PPP1R3A: variants seen among roughly 807,000 people sequenced by gnomAD.
PPP1R3A encodes the protein RG1.
PPP1R3A carries 29 observed loss-of-function variants against 41.7 expected under a neutral mutation model. The observed-to-expected ratio is 0.70, with a 90% confidence interval of 0.52 to 0.95. The LOEUF (loss-of-function observed/expected upper bound fraction) is 0.95, where lower values mean the gene tolerates loss of function less well. Among genes scored for constraint, PPP1R3A ranks in the 40% least tolerant of loss-of-function variants. PPP1R3A has a pLI of 0.00. For missense variants in PPP1R3A, 1,352 were observed against 1,292.4 expected (o/e 1.05, Z -0.71); for synonymous variants, 485 against 453.4 (o/e 1.07, Z -0.89).
chr7:113,896,101 A>T (rs1484850660), intron 1 of PPP1R3A, among the ~76,000 whole-genome samples: 1 of 54,088 alleles, frequency 1.8e-5, no homozygotes, highest in African/African-American at 6.6e-5. Context: ...TGTGTCAGAG[A>T]CTAGTTGGGG....
In PPP1R3A at chr7:113,877,615, C is replaced by T; in HGVS notation, c.*108G>A. The T allele has an allele frequency of 9.1e-6, 12 of 1,320,506 alleles. No homozygotes were observed. Among genetic ancestry groups the T allele is most frequent in the Non-Finnish European group, 1.2e-5 (12 of 971,548 alleles). 81.8% of individuals were successfully genotyped at this position (1,320,506 alleles called of 1,614,324 possible). ...TCGCGTCCCTTTTTAAATGATCCTTCAAGAGAAAAACTGCACTGGATCTTT... is the reference window on the plus strand; with the variant it reads ...TCGCGTCCCTTTTTAAATGATCCTTTAAGAGAAAAACTGCACTGGATCTTT... On this transcript the variant is annotated 3_prime_UTR_variant, in exon 4 of 4. Coordinates refer to ENST00000284601, the MANE Select transcript of PPP1R3A (RefSeq NM_002711.4).
At position 113,918,487 on chromosome 7, in the gene PPP1R3A, A is replaced by G; in HGVS notation, c.510T>C (p.Tyr170=). Residue 170 remains tyrosine, a synonymous_variant, in exon 1 of 4, where the codon TAT becomes TAC. Coordinates refer to ENST00000284601, the MANE Select transcript of PPP1R3A (RefSeq NM_002711.4). ...TAGGAACATATTCTGCTAAAATGTC[A>G]TAATGTGTCTGCCAGTCATCTAAAG... ...RMSLDDWQTH[Y]DILAEYVPNS... 5.6e-6 allele frequency: 9 copies of G among 1,613,274 alleles called. No individual in the cohort carries two copies. Among genetic ancestry groups the G allele is most frequent in the Non-Finnish European group, 6.8e-6 (8 of 1,179,684 alleles).
Position 113,879,053 on chromosome 7 carries a change from G to A in PPP1R3A, c.2039C>T (p.Thr680Ile), listed in dbSNP as rs562570112. Reference protein sequence around the residue: ...TNITEHIKGQTDCEDVWGKRD... With the variant: ...TNITEHIKGQIDCEDVWGKRD... Reference sequence around the variant, plus strand: ...TTTTCCCCACACGTCTTCACAATCTGTTTGTCCTTTGATATGCTCTGTTAT... The same window carrying A: ...TTTTCCCCACACGTCTTCACAATCTATTTGTCCTTTGATATGCTCTGTTAT... The change falls in exon 4 of 4, where the codon ACA becomes ATA. Residue 680 changes from threonine (T) to isoleucine (I), a missense_variant. Physicochemically the swap from Thr to Ile is moderately conservative, Grantham distance 89. Transcript: ENST00000284601. 23 of 1,613,390 alleles carry A rather than the reference G, an allele frequency of 1.4e-5. No homozygotes were observed. In the South Asian group the frequency reaches 2.4e-4, roughly 17 times the overall value.
At position 113,918,867 on chromosome 7, in the gene PPP1R3A, G is replaced by A. The variant is rs753345410; in HGVS notation, c.130C>T (p.Arg44Ter). ...ATGTCTTCAGAAGAATCAGAACCTC[G>A]TCTACTTGGTTGAGGGGAGAAACCA... Reference protein sequence around the residue: ...QPGFSPQPSRRGSDSSEDIYL... With the variant: ...QPGFSPQPSR The change falls in exon 1 of 4, where the codon CGA (arginine) becomes TGA (stop). Residue 44 changes from arginine (R) to a stop codon, truncating the protein, a stop_gained. Transcript: ENST00000284601. LOFTEE classifies it high-confidence loss of function. The A allele has an allele frequency of 6.8e-6, 11 of 1,613,700 alleles. No homozygotes were observed. The highest frequency in any genetic ancestry group is 3.3e-5 in the Admixed American group (2 of 59,974).
chr7:113,906,404 T>C (rs1365383500), intron 1 of PPP1R3A, among the ~76,000 whole-genome samples: 1 of 151,822 alleles, frequency 6.6e-6, no homozygotes, highest in Non-Finnish European at 1.5e-5. Flanking sequence ...GGATGTAGAA[T>C]AGGAGTTGGC....
intron 1 of PPP1R3A, among the ~76,000 whole-genome samples, chr7:113,892,624 G>T (rs1224064820): frequency 6.6e-6 from 1 of 151,992 alleles, no homozygotes; most frequent in Non-Finnish European, 1.5e-5. Flanking sequence ...TTAAAAGAGG[G>T]ATCAGTGTCT....
chr7:113,879,772 A>T lies in PPP1R3A; in HGVS notation c.1320T>A (p.Asp440Glu), dbSNP rs779387327. 1 of 1,613,426 alleles carries T rather than the reference A, an allele frequency of 6.2e-7. No individual in the cohort carries two copies. Residue 440 changes from aspartate (D) to glutamate (E), a missense_variant, in exon 4 of 4, where the codon GAT becomes GAA. Physicochemically the swap from Asp to Glu is conservative, Grantham distance 45. Transcript: ENST00000284601. Reference protein sequence around the residue: ...LHTGSKEVLDDNANPAHGNGT... With the variant: ...LHTGSKEVLDENANPAHGNGT... Reference sequence around the variant, plus strand: ...CATTGCCATGGGCTGGATTAGCATTATCATCCAGGACTTCTTTGCTGCCAG... The same window carrying T: ...CATTGCCATGGGCTGGATTAGCATTTTCATCCAGGACTTCTTTGCTGCCAG...
At chr7:113,897,108 T>C (rs760542752) in intron 1 of PPP1R3A, among the ~76,000 whole-genome samples, 1 of 151,916 alleles carries the variant, frequency 6.6e-6, no homozygotes, top group Non-Finnish European at 1.5e-5. Context: ...TCTAGTGTGA[T>C]CTAAAGTACA....
Position 113,918,438 on chromosome 7 carries a change from G to A in PPP1R3A, c.559C>T (p.Gln187Ter). 1.2e-6 allele frequency: 2 copies of A among 1,613,054 alleles called. No individual in the cohort carries two copies. Among genetic ancestry groups the A allele is most frequent in the South Asian group, 2.2e-5 (2 of 91,040 alleles). Residue 187 changes from glutamine to a stop codon, truncating the protein, a stop_gained, in exon 1 of 4, where the codon CAG becomes TAG. Transcript: ENST00000284601. LOFTEE classifies it high-confidence loss of function. The stretch of plus-strand genomic sequence containing the variant: ...ACCAATACAATCTTAAAGGAGAACT[G>A]GTCAGTTTCACCATCACATGAATTA... ...VPNSCDGETD[Q>*]FSFKIVLVPP...
chr7:113,918,164 C>A (rs780582928), intron 1 of PPP1R3A, 51 bp downstream of exon 1: 2 of 1,479,098 alleles, frequency 1.4e-6, no homozygotes, highest in South Asian at 2.6e-5. Flanking sequence ...TAAAGAATGA[C>A]ATAAAAACTT....
intron 1 of PPP1R3A, among the ~76,000 whole-genome samples, chr7:113,914,876 C>T (rs1353925912): frequency 6.6e-6 from 1 of 151,902 alleles, no homozygotes; most frequent in African/African-American, 2.4e-5. Context: ...AACTTTGAAG[C>T]CTAAAATCCT....
At position 113,879,352 on chromosome 7, in the gene PPP1R3A, A is replaced by G. The variant is rs1796639375; in HGVS notation, c.1740T>C (p.Asp580=). 1 of 1,613,590 alleles carries G rather than the reference A, an allele frequency of 6.2e-7. No individual in the cohort carries two copies. The highest frequency in any genetic ancestry group is 1.1e-5 in the South Asian group (1 of 91,078). The part of the protein sequence containing the change: ...TAIPTRAITA[D]VSHSPRTNLS... ...AATTTGTCCTTGGTGAATGAGACAC[A>G]TCTGCTGTGATTGCCCGGGTGGGGA... Residue 580 remains aspartate (D), a synonymous_variant, in exon 4 of 4, where the codon GAT becomes GAC. Transcript: ENST00000284601.
chr7:113,886,447 C>T (rs558520892), intron 1 of PPP1R3A, among the ~76,000 whole-genome samples: 1 of 152,198 alleles, frequency 6.6e-6, no homozygotes, highest in South Asian at 2.1e-4. Context: ...TGCCTTCTGC[C>T]ATGATTGTGA....
intron 1 of PPP1R3A, among the ~76,000 whole-genome samples, chr7:113,907,188 G>A (rs2129119680): frequency 6.6e-6 from 1 of 151,760 alleles, no homozygotes; most frequent in East Asian, 1.9e-4. Context: ...ACCCCATAAT[G>A]TATTGTTTTT....
At position 113,877,579 on chromosome 7, in the gene PPP1R3A, A is replaced by G; in HGVS notation, c.*144T>C. The G allele has an allele frequency of 1.1e-6, 1 of 901,844 alleles. No individual in the cohort carries two copies. Among genetic ancestry groups the G allele is most frequent in the South Asian group, 1.9e-5 (1 of 52,758 alleles). The allele number at this position is 901,844 out of a possible 1,614,324, so 55.9% of individuals were successfully genotyped here. A position where few individuals can be genotyped will look rare whatever the true frequency, so the allele number is the denominator to read the frequency against. ...TATAGAATAATTACTTATATGAAGG[A>G]GCAAACTTATTCGCGTCCCTTTTTA... On this transcript the variant is annotated 3_prime_UTR_variant, in exon 4 of 4. Transcript: ENST00000284601.
At chr7:113,880,525 GTT>G (rs1464361480) in intron 3 of PPP1R3A, among the ~76,000 whole-genome samples, 6 of 151,978 alleles carry the variant, frequency 3.9e-5, no homozygotes, top group Non-Finnish European at 7.4e-5. Context: ...CCCCATTACA[GTT>G]TCTCTTATTA....
chr7:113,885,396 C>T (rs1796765893), intron 1 of PPP1R3A, among the ~76,000 whole-genome samples: 1 of 152,100 alleles, frequency 6.6e-6, no homozygotes, highest in African/African-American at 2.4e-5. Context: ...GGTAAAAACA[C>T]TTTGAAAAAC....
At position 113,877,567 on chromosome 7, in the gene PPP1R3A, C is replaced by G; in HGVS notation, c.*156G>C. The G allele has an allele frequency of 2.6e-6, 2 of 776,936 alleles. No homozygotes were observed. Among genetic ancestry groups the G allele is most frequent in the Non-Finnish European group, 4.0e-6 (2 of 496,752 alleles). The allele number at this position is 776,936 out of a possible 1,614,324, so 48.1% of individuals were successfully genotyped here. On this transcript the variant is annotated 3_prime_UTR_variant, in exon 4 of 4. Transcript: ENST00000284601. ...ATAATGGTCCTATATAGAATAATTA[C>G]TTATATGAAGGAGCAAACTTATTCG...
intron 1 of PPP1R3A, among the ~76,000 whole-genome samples, chr7:113,891,530 C>G (rs1430503089): frequency 6.6e-6 from 1 of 151,852 alleles, no homozygotes; most frequent in Non-Finnish European, 1.5e-5. Context: ...AGAAGAGCAC[C>G]CTTCAAAGAA....
Sources: allele counts gnomAD v4.1 joint callset (sites outside exome capture counted in the v4.1 genomes callset), GRCh38; gene constraint gnomAD v4.1.1; transcripts MANE v1.5; gene names NCBI Gene and HGNC (gene_info 2026-07-23, HGNC 2026-07-21).